The following EYS variants were observed in gnomAD, a reference collection of about 807,000 sequenced individuals.
The protein encoded by EYS is EGF-like photoreceptor maintenance factor, also known as protein eyes shut homolog.
A neutral mutation model predicts 282.1 loss-of-function variants in EYS; 250 were observed. That is an observed-to-expected ratio of 0.89 (90% CI 0.80 to 0.98). The LOEUF is 0.98. EYS is among the 50% of genes least tolerant of loss of function. EYS has a pLI of 0.00. For missense variants in EYS, 4,016 were observed against 3,709.0 expected, an observed-to-expected ratio of 1.08 and a Z score of -2.15; for synonymous variants, 1,355 against 1,282.9, an observed-to-expected ratio of 1.06 and a Z score of -1.20.
chr6:64,669,213 G>C (rs1318828554), intron 22 of EYS, among the ~76,000 whole-genome samples: 4 of 152,156 alleles, frequency 2.6e-5, no homozygotes, highest in African/African-American at 9.6e-5. Context: ...TAGAAATTTT[G>C]ATATTGACCA....
intron 1 of EYS, among the ~76,000 whole-genome samples, chr6:65,661,167 C>A (rs2149825675): frequency 6.6e-6 from 1 of 151,908 alleles, no homozygotes; most frequent in Admixed American, 6.6e-5. Context: ...TGTTTAGATC[C>A]TTTCTGAGAC....
chr6:65,329,311 T>C, intron 11 of EYS: 1 of 821,564 alleles, frequency 1.2e-6, no homozygotes, highest in Non-Finnish European at 1.5e-6. Flanking sequence ...AAGTTTGTTA[T>C]AATAATTTTG....
intron 1 of EYS, among the ~76,000 whole-genome samples, chr6:65,659,026 A>G (rs1476989543): frequency 6.6e-6 from 1 of 151,404 alleles, no homozygotes; most frequent in Non-Finnish European, 1.5e-5. Flanking sequence ...GTGCAGCTTT[A>G]TTCCACTCTT....
chr6:65,334,753 GAT>G (rs1380969840), intron 11 of EYS, among the ~76,000 whole-genome samples: 1 of 151,676 alleles, frequency 6.6e-6, no homozygotes, highest in Non-Finnish European at 1.5e-5. Flanking sequence ...TTTCTATACA[GAT>G]ATATTCCTTC....
At chr6:64,488,980 T>C (rs1050775649) in intron 26 of EYS, among the ~76,000 whole-genome samples, 44 of 150,954 alleles carry the variant, frequency 2.9e-4, no homozygotes, top group Non-Finnish European at 8.9e-5. Context: ...TATGATCTGA[T>C]ACTTTGTTTC....
At chr6:65,056,813 T>A (rs1424306612) in intron 13 of EYS, among the ~76,000 whole-genome samples, 1 of 152,120 alleles carries the variant, frequency 6.6e-6, no homozygotes, top group Non-Finnish European at 1.5e-5. Flanking sequence ...GGTATTTAAA[T>A]AACATTTCTC....
intron 35 of EYS, among the ~76,000 whole-genome samples, chr6:63,932,811 A>T (rs893591950): frequency 1.3e-5 from 2 of 152,204 alleles, no homozygotes; most frequent in African/African-American, 2.4e-5. Context: ...TTCAATTCTG[A>T]CACTATTTAC....
In EYS at chr6:63,984,504, G is replaced by C. The variant is rs564315274; in HGVS notation, c.6934C>G (p.Leu2312Val). ...AAGAATTCTTTGTTGTTTACTTGAA[G>C]GTCTAGAATGCAGCCCCTGAACCCA... ...VYGFRGCILD[L>V]QVNNKEFFII... is the part of the protein sequence containing the mutation. Residue 2312 changes from leucine to valine, a missense_variant, in exon 35 of 43, where the codon CTT becomes GTT. Coordinates refer to ENST00000503581, the MANE Select transcript of EYS (RefSeq NM_001142800.2). The C allele has an allele frequency of 2.8e-5, 43 of 1,549,390 alleles. No individual in the cohort carries two copies. In the African/African-American group the frequency reaches 3.6e-4, roughly 13 times the overall value.
rs1777114755 is a variant in EYS, at chr6:64,503,422, GC to G, written c.5645-64071del. Among the ~76,000 whole-genome samples, 3 of 152,286 alleles carry G rather than the reference GC, an allele frequency of 2.0e-5. No individual in the cohort carries two copies. The South Asian group carries it at 6.2e-4, about 32-fold the overall frequency. On this transcript the variant is annotated intron_variant, in intron 26 of 42. Transcript: ENST00000503581. ...CTTATTCTTAGGTAAATGTGATGAT[GC>G]TTTTTGAGAAAAATCTTGTTTTTAA...
chr6:65,428,895 G>A (rs1023239792), intron 5 of EYS, among the ~76,000 whole-genome samples: 5 of 152,004 alleles, frequency 3.3e-5, no homozygotes, highest in Non-Finnish European at 5.9e-5. Context: ...AATAAAAGAT[G>A]TTCTGAGCCG....
chr6:64,159,903 T>A (rs1307544473), intron 31 of EYS, among the ~76,000 whole-genome samples: 4 of 152,196 alleles, frequency 2.6e-5, no homozygotes, highest in African/African-American at 9.7e-5. Context: ...CAGGTTTCCT[T>A]TGTTCGGAAT....
intron 2 of EYS, among the ~76,000 whole-genome samples, chr6:65,619,927 T>A (rs1766402034): frequency 6.6e-6 from 1 of 151,298 alleles, no homozygotes; most frequent in Non-Finnish European, 1.5e-5. Flanking sequence ...GTGGATAAGC[T>A]TTTTGATGTG....
chr6:64,236,508 CAA>C (rs1766610685), intron 30 of EYS, among the ~76,000 whole-genome samples: 1 of 152,066 alleles, frequency 6.6e-6, no homozygotes, highest in African/African-American at 2.4e-5. Context: ...AACTATTTTC[CAA>C]AGAGGCTTCA....
At chr6:63,915,946 A>G (rs1764412774) in intron 35 of EYS, among the ~76,000 whole-genome samples, 1 of 152,220 alleles carries the variant, frequency 6.6e-6, no homozygotes, top group African/African-American at 2.4e-5. Flanking sequence ...AGTTGATGTA[A>G]ACGTTACTGA....
At chr6:65,607,880 CAGAGAAAAGCAAA>C (rs2149793394) in intron 2 of EYS, among the ~76,000 whole-genome samples, 1 of 152,078 alleles carries the variant, frequency 6.6e-6, no homozygotes, top group East Asian at 1.9e-4. Flanking sequence ...TCAATCTCTG[CAGAGAAAAGCAAA>C]TTAGCTTTCC....
chr6:64,120,617 T>TAATA (rs151303195), intron 31 of EYS, among the ~76,000 whole-genome samples: 10,323 of 152,062 alleles, frequency 0.068, 1,060 homozygotes, highest in African/African-American at 0.23. Flanking sequence ...GAATATAAAT[T>TAATA]GTTATTTTCA....
intron 12 of EYS, among the ~76,000 whole-genome samples, chr6:65,271,342 G>A (rs6455030): frequency 0.97 from 146,681 of 150,820 alleles, 71,457 homozygotes; most frequent in East Asian, 1. Flanking sequence ...GCAAAAGATC[G>A]ATGTCTCAGC....
chr6:64,330,160 T>C (rs911918033), intron 29 of EYS, among the ~76,000 whole-genome samples: 3 of 152,156 alleles, frequency 2.0e-5, no homozygotes, highest in African/African-American at 4.8e-5. Flanking sequence ...GCTTCCTTCG[T>C]GTTCTGTGGG....
chr6:65,671,021 A>C (rs1768374944), intron 1 of EYS, among the ~76,000 whole-genome samples: 2 of 152,028 alleles, frequency 1.3e-5, no homozygotes, highest in Non-Finnish European at 2.9e-5. Flanking sequence ...GATTTGTCTG[A>C]TTATTATAAC....
Sources: gnomAD v4.1 joint callset for allele counts (sites outside exome capture counted in the v4.1 genomes callset) on GRCh38, gnomAD v4.1.1 for gene constraint, MANE v1.5 for transcripts, NCBI Gene and HGNC (gene_info 2026-07-23, HGNC 2026-07-21) for gene names.